The following ADGRL2 variants were observed in gnomAD, a reference collection of about 807,000 sequenced individuals.
The protein encoded by ADGRL2 is calcium-independent alpha-latrotoxin receptor 2.
Under a neutral mutation model 157.4 loss-of-function variants are expected in ADGRL2, and 44 were observed. That is an observed-to-expected ratio of 0.28 (90% CI 0.22 to 0.36). ADGRL2 has a LOEUF of 0.36. Among genes scored for constraint, ADGRL2 ranks in the 10% least tolerant of loss-of-function variants. The pLI, the probability that ADGRL2 is intolerant of heterozygous loss-of-function variation, is 1.00. For synonymous variants in ADGRL2, 585 were observed against 624.7 expected (o/e 0.94, Z 0.95); for missense variants, 1,510 against 1,768.9 (o/e 0.85, Z 2.63).
At chr1:81,516,340 C>T (rs560197075) in intron 2 of ADGRL2, among the ~76,000 whole-genome samples, 197 of 152,244 alleles carry the variant, frequency 1.3e-3, no homozygotes, top group Middle Eastern at 3.4e-3. Flanking sequence ...ATGTAGAATA[C>T]GGTGGGTGGC....
intron 2 of ADGRL2, among the ~76,000 whole-genome samples, chr1:81,870,938 CT>C: frequency 7.8e-6 from 1 of 127,722 alleles, no homozygotes; most frequent in Non-Finnish European, 1.7e-5. Context: ...TTTTTTTTTT[CT>C]TTTTTTATTA....
At chr1:81,490,252 C>T (rs930883833) in intron 2 of ADGRL2, among the ~76,000 whole-genome samples, 2 of 152,142 alleles carry the variant, frequency 1.3e-5, no homozygotes, top group African/African-American at 4.8e-5. Flanking sequence ...CTGCCTCAGC[C>T]TCCCAAGTAG....
At chr1:81,450,548 T>C (rs767197063) in intron 2 of ADGRL2, among the ~76,000 whole-genome samples, 19 of 152,162 alleles carry the variant, frequency 1.2e-4, no homozygotes, top group Non-Finnish European at 2.1e-4. Context: ...GGCTGTGCTC[T>C]TTCCATTATG....
intron 1 of ADGRL2, among the ~76,000 whole-genome samples, chr1:81,324,528 TATATA>T (rs1660754242): frequency 6.7e-6 from 1 of 149,492 alleles, no homozygotes; most frequent in Admixed American, 6.7e-5. Context: ...AAAATCTATC[TATATA>T]ATATTTTTAA....
intron 2 of ADGRL2, among the ~76,000 whole-genome samples, chr1:81,527,617 C>T (rs955476178): frequency 1.3e-5 from 2 of 151,996 alleles, no homozygotes; most frequent in Admixed American, 6.5e-5. Context: ...GAGGCTGAGA[C>T]GGGAGAATCA....
At chr1:81,462,411 C>T (rs2077956825) in intron 2 of ADGRL2, among the ~76,000 whole-genome samples, 2 of 152,152 alleles carry the variant, frequency 1.3e-5, no homozygotes, top group Non-Finnish European at 2.9e-5. Context: ...GTAACACTCA[C>T]CGTGAGGGTC....
chr1:81,610,955 TAGAA>T (rs1182975627), intron 3 of ADGRL2, among the ~76,000 whole-genome samples: 1 of 152,176 alleles, frequency 6.6e-6, no homozygotes, highest in African/African-American at 2.4e-5. Flanking sequence ...ATTAATATCA[TAGAA>T]AGAGATCATC....
chr1:81,458,954 G>A (rs2077864830), intron 2 of ADGRL2, among the ~76,000 whole-genome samples: 1 of 152,134 alleles, frequency 6.6e-6, no homozygotes, highest in African/African-American at 2.4e-5. Flanking sequence ...GAGAGTGAGT[G>A]GGGCAGAGAA....
intron 3 of ADGRL2, among the ~76,000 whole-genome samples, chr1:81,622,689 A>G (rs12731456): frequency 0.24 from 35,802 of 151,920 alleles, 4,987 homozygotes; most frequent in African/African-American, 0.36. Context: ...TGGGAGTTTG[A>G]GGTTACAGTG....
At chr1:81,951,237 G>A in intron 8 of ADGRL2, 116 bp downstream of exon 8, 2 of 643,768 alleles carry the variant, frequency 3.1e-6, no homozygotes, top group Non-Finnish European at 2.7e-6. Flanking sequence ...CAGTATAAAA[G>A]TAAAAAAAAA....
chr1:81,651,316 A>G (rs2082415776), intron 3 of ADGRL2, among the ~76,000 whole-genome samples: 1 of 152,240 alleles, frequency 6.6e-6, no homozygotes, highest in African/African-American at 2.4e-5. Flanking sequence ...ATAGCATTTA[A>G]GTATCAAACC....
intron 2 of ADGRL2, among the ~76,000 whole-genome samples, chr1:81,468,322 A>T (rs1221957874): frequency 6.6e-6 from 1 of 152,128 alleles, no homozygotes; most frequent in Non-Finnish European, 1.5e-5. Context: ...TCTTATAAGT[A>T]ATTTGGTTTT....
chr1:81,500,641 A>T (rs1312204883), intron 2 of ADGRL2, among the ~76,000 whole-genome samples: 2 of 152,144 alleles, frequency 1.3e-5, no homozygotes, highest in East Asian at 1.9e-4. Context: ...GTTACCAGGG[A>T]CTGAGCACCA....
At chr1:81,596,202 G>A in intron 3 of ADGRL2, 1 of 562,048 alleles carries the variant, frequency 1.8e-6, no homozygotes, top group South Asian at 1.4e-5. Flanking sequence ...CAATACTGAA[G>A]TCATCTGCTT....
chr1:81,462,058 T>G (rs1018772896), intron 2 of ADGRL2, among the ~76,000 whole-genome samples: 1 of 151,944 alleles, frequency 6.6e-6, no homozygotes, highest in Non-Finnish European at 1.5e-5. Flanking sequence ...GCTAGAGGAT[T>G]GTAAATACAA....
At chr1:81,973,846 TAA>T (rs1286524949) in intron 17 of ADGRL2, among the ~76,000 whole-genome samples, 1 of 152,056 alleles carries the variant, frequency 6.6e-6, no homozygotes, top group Admixed American at 6.6e-5. Flanking sequence ...AGAGAGAAAT[TAA>T]GAGTGGTATA....
At chr1:81,333,161 A>T (rs1661384227) in intron 1 of ADGRL2, among the ~76,000 whole-genome samples, 1 of 152,162 alleles carries the variant, frequency 6.6e-6, no homozygotes, top group African/African-American at 2.4e-5. Flanking sequence ...CTTAGCATCT[A>T]CCAGAGTGTA....
At chr1:81,452,070 C>G (rs1255543689) in intron 2 of ADGRL2, among the ~76,000 whole-genome samples, 1 of 152,104 alleles carries the variant, frequency 6.6e-6, no homozygotes, top group Non-Finnish European at 1.5e-5. Context: ...CTTGCCTCCC[C>G]ACCTCCACCC....
At chr1:81,936,891 C>A in intron 4 of ADGRL2, 54 bp downstream of exon 4, 2 of 1,043,590 alleles carry the variant, frequency 1.9e-6, no homozygotes, top group Non-Finnish European at 1.5e-6. Flanking sequence ...CTTGTTGATG[C>A]TGAAAGACTA....
Sources: allele counts gnomAD v4.1 joint callset (sites outside exome capture counted in the v4.1 genomes callset), GRCh38; gene constraint gnomAD v4.1.1; transcripts MANE v1.5; gene names NCBI Gene and HGNC (gene_info 2026-07-23, HGNC 2026-07-21).